The following DNAH5 variants were observed in gnomAD, a reference collection of about 807,000 sequenced individuals.
DNAH5 encodes the protein dynein axonemal heavy chain 5.
DNAH5 carries 372 observed loss-of-function variants against 518.2 expected under a neutral mutation model. The ratio of observed to expected loss-of-function variants is 0.72; its 90% CI spans 0.66 to 0.78. DNAH5 has a LOEUF of 0.78. Among genes scored for constraint, DNAH5 ranks in the 30% least tolerant of loss-of-function variants. The pLI is 0.00. For missense variants in DNAH5, 5,523 were observed against 5,687.0 expected (o/e 0.97, Z 0.93); for synonymous variants, 2,039 against 2,025.9 (o/e 1.01, Z -0.17).
At position 13,914,540 on chromosome 5, in the gene DNAH5, A is replaced by T; in HGVS notation, c.1300T>A (p.Ser434Thr). The change falls in exon 10 of 79, where the codon TCT becomes ACT. Residue 434 changes from serine to threonine, a missense_variant. Physicochemically the swap from Ser to Thr is moderately conservative, Grantham distance 58. Transcript: ENST00000265104. The part of the protein sequence containing the change: ...PQDVVEEKIL[S>T]AIKLKQEYQL... Reference sequence around the variant, plus strand: ...ATTACCTGTTTCAGTTTAATCGCAGATAGTATTTTTTCTTCAACAACATCC... The same window carrying T: ...ATTACCTGTTTCAGTTTAATCGCAGTTAGTATTTTTTCTTCAACAACATCC... 6.2e-7 allele frequency: 1 copy of T among 1,613,352 alleles called. No individual in the cohort carries two copies. The highest frequency in any genetic ancestry group is 8.5e-7 in the Non-Finnish European group (1 of 1,179,466).
intron 19 of DNAH5, among the ~76,000 whole-genome samples, 178 bp downstream of exon 19, chr5:13,884,811 G>A (rs968013678): frequency 3.3e-5 from 5 of 152,112 alleles, no homozygotes; most frequent in African/African-American, 9.7e-5. Flanking sequence ...CCTCCAACCT[G>A]GTCGACAGGG....
At chr5:13,862,211 G>A (rs535908759) in intron 29 of DNAH5, among the ~76,000 whole-genome samples, 5 of 152,218 alleles carry the variant, frequency 3.3e-5, no homozygotes, top group South Asian at 4.1e-4. Flanking sequence ...CTAATTATAC[G>A]TTGCATTATT....
intron 54 of DNAH5, 123 bp from the exon 55 acceptor site, chr5:13,776,829 G>C: frequency 9.0e-7 from 1 of 1,108,074 alleles, no homozygotes; most frequent in Non-Finnish European, 1.3e-6. Flanking sequence ...ACAGAAAATT[G>C]AAAGTTTTCA....
intron 48 of DNAH5, 89 bp from the exon 49 acceptor site, chr5:13,793,817 C>A (rs553417063): frequency 6.4e-7 from 1 of 1,561,860 alleles, no homozygotes; most frequent in South Asian, 1.2e-5. Flanking sequence ...AAGAACTTTA[C>A]TGGAATTCAG....
chr5:13,942,365 T>C (rs1033279820), intron 1 of DNAH5, among the ~76,000 whole-genome samples: 2 of 152,202 alleles, frequency 1.3e-5, no homozygotes, highest in Non-Finnish European at 2.9e-5. Flanking sequence ...AATACATACA[T>C]ACTTATAGTT....
At chr5:13,810,976 A>C (rs140061783) in intron 44 of DNAH5, among the ~76,000 whole-genome samples, 209 of 152,316 alleles carry the variant, frequency 1.4e-3, no homozygotes, top group African/African-American at 4.6e-3. Context: ...AATAAGCCAG[A>C]CGCAGAAAGA....
chr5:13,827,380 A>G (rs1000413740), intron 38 of DNAH5, among the ~76,000 whole-genome samples: 1 of 151,016 alleles, frequency 6.6e-6, no homozygotes, highest in East Asian at 2.0e-4. Flanking sequence ...ACAGGCCCAG[A>G]GGCCTAAGAG....
chr5:13,894,885 A>G lies in DNAH5; in HGVS notation c.2260-64T>C, dbSNP rs77951964. 4,453 of 1,547,724 alleles carry G rather than the reference A, an allele frequency of 2.9e-3. 98 individuals are homozygous for G. The African/African-American group carries it at 0.051, about 18-fold the overall frequency. ...CACTTCTAATGTCTGTTAATATCTC[A>G]TGTCTTATACAAAATGACTACTTTT... On this transcript the variant is annotated intron_variant, in intron 15 of 78. Transcript: ENST00000265104.
chr5:13,733,817 T>G (rs1449573339), intron 68 of DNAH5, among the ~76,000 whole-genome samples: 1 of 152,096 alleles, frequency 6.6e-6, no homozygotes, highest in Non-Finnish European at 1.5e-5. Context: ...CTACATTCCT[T>G]CCCTACTGTT....
rs1490648259 is a variant in DNAH5 at position 13,987,640 on chromosome 5, G to A, written c.12+24008C>T. 4.6e-5 allele frequency among the ~76,000 whole-genome samples: 7 copies of A among 151,946 alleles called. No individual in the cohort carries two copies. The East Asian group carries it at 7.8e-4, about 17-fold the overall frequency. On this transcript the variant is annotated intron_variant, in intron 1 of 78. Transcript: ENST00000681290. ...GGCTGAGGAAGGCAGATCACCTGAC[G>A]TCAGGAGTTCAAGACCAGCCTGGCC...
intron 33 of DNAH5, 74 bp downstream of exon 33, chr5:13,841,618 G>A (rs965105528): frequency 8.3e-7 from 1 of 1,197,918 alleles, no homozygotes; most frequent in Non-Finnish European, 1.2e-6. Flanking sequence ...CATTTTTGAA[G>A]CTTACAATAG....
chr5:14,002,754 T>TA (rs1165760081), intron 1 of DNAH5, among the ~76,000 whole-genome samples: 1 of 152,158 alleles, frequency 6.6e-6, no homozygotes, highest in Non-Finnish European at 1.5e-5. Flanking sequence ...TTTACTTTTT[T>TA]AAAAAGATTT....
intron 1 of DNAH5, among the ~76,000 whole-genome samples, chr5:13,951,440 G>A (rs547288795): frequency 2.1e-4 from 32 of 151,708 alleles, no homozygotes; most frequent in African/African-American, 7.0e-4. Flanking sequence ...GACTGGTCTC[G>A]AACTCCTGGA....
chr5:13,698,174 GC>G (rs1398663596), intron 78 of DNAH5, among the ~76,000 whole-genome samples: 6 of 152,172 alleles, frequency 3.9e-5, no homozygotes, highest in African/African-American at 1.4e-4. Context: ...GTGGCATCAT[GC>G]CCTTGGACTT....
At chr5:13,921,475 TCACACACACACACACA>T (rs138046391) in intron 5 of DNAH5, among the ~76,000 whole-genome samples, 4 of 73,698 alleles carry the variant, frequency 5.4e-5, no homozygotes, top group South Asian at 4.1e-4. Flanking sequence ...TATCTCTCTC[TCACACACACACACACA>T]CACACACACA....
chr5:13,963,578 AAAATAAATAAAT>A (rs148032042), intron 1 of DNAH5, among the ~76,000 whole-genome samples: 1 of 150,566 alleles, frequency 6.6e-6, no homozygotes. Context: ...ACTCTATCTC[AAAATAAATAAAT>A]AAATAAATAA....
At chr5:13,720,881 G>A (rs1445719836) in intron 71 of DNAH5, 119 bp downstream of exon 71, 24 of 1,375,900 alleles carry the variant, frequency 1.7e-5, no homozygotes, top group Non-Finnish European at 2.4e-5. Context: ...ACGCTGTTTA[G>A]TAAACAGCAG....
chr5:13,809,935 G>T (rs1377958292), intron 45 of DNAH5, 124 bp downstream of exon 45: 2 of 1,020,934 alleles, frequency 2.0e-6, no homozygotes, highest in Non-Finnish European at 3.0e-6. Flanking sequence ...ACACACGAAC[G>T]TTTTCATATC....
In DNAH5 at chr5:13,714,484, T is replaced by C; in HGVS notation, c.13046A>G (p.Asp4349Gly). Residue 4349 changes from aspartate (D) to glycine (G), a missense_variant, in exon 75 of 79, where the codon GAT becomes GGT. Asp to Gly is a moderately conservative substitution (Grantham distance 94, BLOSUM62 -1). Around this residue, in one of 3 missense-constraint regions of DNAH5, gnomAD observed 387 missense variants for 430.0 expected, o/e 0.90. Transcript: ENST00000265104. ...GGCCACCACCGCCTCCCGGGTCTCA[T>C]CCCCTCCACCAGAGGTGTCCTTGGG... ...IQPKDTSGGG[D>G]ETREAVVARL... 7 of 1,614,084 alleles carry C rather than the reference T, an allele frequency of 4.3e-6. No homozygotes were observed. Among genetic ancestry groups the C allele is most frequent in the Non-Finnish European group, 5.9e-6 (7 of 1,179,984 alleles).
Sources: gnomAD v4.1 joint callset for allele counts (sites outside exome capture counted in the v4.1 genomes callset) on GRCh38, gnomAD v4.1.1 for gene constraint, gnomAD v4.1.1 regional missense constraint, MANE v1.5 for transcripts, NCBI Gene and HGNC (gene_info 2026-07-23, HGNC 2026-07-21) for gene names.